The following MASP2 variants were observed in gnomAD, a reference collection of about 807,000 sequenced individuals.
MASP2 encodes the protein MBL associated serine protease 2.
Under a neutral mutation model 57.1 loss-of-function variants are expected in MASP2, and 49 were observed. That is an observed-to-expected ratio of 0.86 (90% CI 0.68 to 1.09). The LOEUF is 1.09. Among genes scored for constraint, MASP2 ranks in the 50% least tolerant of loss-of-function variants. The probability of loss-of-function intolerance (pLI) is 0.00; values close to 1 mark genes in which losing one functional copy is unlikely to be tolerated. For synonymous variants in MASP2, 379 were observed against 340.8 expected, an observed-to-expected ratio of 1.11 and a Z score of -1.24; for missense variants, 900 against 874.8, an observed-to-expected ratio of 1.03 and a Z score of -0.36.
rs1165450969 is a variant in MASP2, at chr1:11,043,189, C to A, written c.741+150G>T. The stretch of plus-strand genomic sequence containing the variant: ...TGCCTCCCACACTTGTACTCGAAGG[C>A]CCCAGCCTTGGACCTCCATAGAGCA... On this transcript the variant is annotated intron_variant, in intron 5 of 10. Transcript: ENST00000400897. 7 of 980,492 alleles carry A rather than the reference C, an allele frequency of 7.1e-6. No individual in the cohort carries two copies. The South Asian group carries it at 9.7e-5, about 14-fold the overall frequency. 60.7% of individuals were successfully genotyped at this position (980,492 alleles called of 1,614,324 possible). A position where few individuals can be genotyped will look rare whatever the true frequency, so the allele number is the denominator to read the frequency against.
chr1:11,045,416 G>C lies in MASP2; in HGVS notation c.536C>G (p.Thr179Ser), dbSNP rs1301802202. The change falls in exon 4 of 11, where the codon ACC becomes AGC. Residue 179 changes from threonine (T) to serine (S), a missense_variant. Physicochemically the swap from Thr to Ser is moderately conservative, Grantham distance 58. Transcript: ENST00000400897. ...AGYVLHRNKR[T>S]CSALCSGQVF... is the part of the protein sequence containing the mutation. ...CAGGCAGCCTCCCTCACCTGAGCAG[G>C]TGCGCTTGTTACGGTGCAGGACGTA... is the stretch of plus-strand genomic sequence containing the variant. 6.2e-7 allele frequency: 1 copy of C among 1,613,174 alleles called. No homozygotes were observed. The highest frequency in any genetic ancestry group is 2.2e-5 in the East Asian group (1 of 44,872).
chr1:11,033,668 T>G (rs1433409030), intron 8 of MASP2, among the ~76,000 whole-genome samples: 1 of 148,118 alleles, frequency 6.8e-6, no homozygotes, highest in Non-Finnish European at 1.5e-5. Context: ...AAGAAAAAAA[T>G]ATTGTCAAAG....
intron 10 of MASP2, among the ~76,000 whole-genome samples, chr1:11,028,759 G>T (rs1318553289): frequency 6.8e-6 from 1 of 147,606 alleles, no homozygotes; most frequent in Non-Finnish European, 1.5e-5. Context: ...TGTCACCCAG[G>T]TTGGAGTGCA....
At chr1:11,044,928 C>T in intron 4 of MASP2, 1 of 1,607,436 alleles carries the variant, frequency 6.2e-7, no homozygotes, top group Non-Finnish European at 8.5e-7. Context: ...CAGGCCGGAG[C>T]TCCAGGGGAG....
At chr1:11,035,694 A>G (rs1189085150) in intron 7 of MASP2, among the ~76,000 whole-genome samples, 1 of 152,086 alleles carries the variant, frequency 6.6e-6, no homozygotes, top group Non-Finnish European at 1.5e-5. Context: ...CAGAAGTTCA[A>G]GACCAGCCTG....
In MASP2 at chr1:11,030,157, G is replaced by A; in HGVS notation, c.1297+19C>T. On this transcript the variant is annotated intron_variant, in intron 10 of 10. Coordinates refer to ENST00000400897, the MANE Select transcript of MASP2 (RefSeq NM_006610.4). ...CCTTTCCATCAATTACCAGTCTCTT[G>A]TATAAATGTATCCATTACCAGGCTC... is the stretch of plus-strand genomic sequence containing the variant. 3.2e-6 allele frequency: 5 copies of A among 1,581,970 alleles called. No homozygotes were observed. Among genetic ancestry groups the A allele is most frequent in the Non-Finnish European group, 4.3e-6 (5 of 1,152,400 alleles).
rs1253649620 is a variant in MASP2 at position 11,045,208 on chromosome 1, C to A, written c.544+200G>T. 3.6e-6 allele frequency: 3 copies of A among 832,092 alleles called. No homozygotes were observed. In the East Asian group the frequency reaches 8.0e-5, roughly 22 times the overall value. The allele number at this position is 832,092 out of a possible 1,614,324, so 51.5% of individuals were successfully genotyped here. A position where few individuals can be genotyped will look rare whatever the true frequency, so the allele number is the denominator to read the frequency against. On this transcript the variant is annotated intron_variant, in intron 4 of 10. Coordinates refer to ENST00000400897, the MANE Select transcript of MASP2 (RefSeq NM_006610.4). ...GGGATGTTAGAATTAGTCTCAGTCG[C>A]TAGGGCAGGGTGGCACTGATGAGCC...
intron 10 of MASP2, chr1:11,029,632 AT>A (rs1643807007): frequency 1.0e-4 from 5 of 48,550 alleles, no homozygotes; most frequent in African/African-American, 2.4e-4. Context: ...AATTTTTAAA[AT>A]CTTTTTTTTT....
chr1:11,045,430 G>A lies in MASP2; in HGVS notation c.522C>T (p.His174=). The change falls in exon 4 of 11, where the codon CAC becomes CAT. Residue 174 remains histidine (H), a synonymous_variant. Coordinates refer to ENST00000400897, the MANE Select transcript of MASP2 (RefSeq NM_006610.4). ...YCSCRAGYVL[H]RNKRTCSALC... is the part of the protein sequence containing the mutation. ...CACCTGAGCAGGTGCGCTTGTTACG[G>A]TGCAGGACGTAGCCTGCGCGGCAGG... The A allele has an allele frequency of 6.2e-7, 1 of 1,613,284 alleles. No homozygotes were observed. The highest frequency in any genetic ancestry group is 2.2e-5 in the East Asian group (1 of 44,866).
intron 7 of MASP2, 102 bp downstream of exon 7, chr1:11,037,591 A>AATTACAGGCGTGAGCTGCCGCGCCCGG (rs1557671554): frequency 1.4e-6 from 1 of 697,666 alleles, no homozygotes; most frequent in African/African-American, 1.8e-5. Flanking sequence ...AATCATGCTG[A>AATTACAGGCGTGAGCTGCCGCGCCCGG]CACACGATTT....
rs116394067 is a variant in MASP2, at chr1:11,033,702, G to A, written c.1087+1126C>T. ...AGAACACACTTTGGAAGCCTGAGGC[G>A]GGCAGATCACTTGACGTCAGGAGTT... On this transcript the variant is annotated intron_variant, in intron 8 of 10. Coordinates refer to ENST00000400897, the MANE Select transcript of MASP2 (RefSeq NM_006610.4). Among the ~76,000 whole-genome samples the A allele has an allele frequency of 3.2e-3, 486 of 152,032 alleles. 2 individuals carry two copies. The highest frequency in any genetic ancestry group is 0.011 in the African/African-American group (472 of 41,456).
intron 3 of MASP2, 71 bp downstream of exon 3, chr1:11,046,485 T>C (rs1469310317): frequency 6.4e-7 from 1 of 1,560,224 alleles, no homozygotes; most frequent in South Asian, 1.1e-5. Context: ...CAGGGCTGCC[T>C]GGCCTAAGAC....
intron 3 of MASP2, chr1:11,046,297 G>A: frequency 1.9e-6 from 1 of 538,316 alleles, no homozygotes; most frequent in Non-Finnish European, 3.4e-6. Flanking sequence ...ACAGGCGTGA[G>A]CTGCTGCGCC....
intron 5 of MASP2, 101 bp downstream of exon 5, chr1:11,043,238 G>A (rs1321675097): frequency 5.3e-6 from 6 of 1,136,998 alleles, no homozygotes; most frequent in African/African-American, 1.5e-5. Flanking sequence ...GGGTCACCGA[G>A]GGTGACGGGA....
In MASP2 at chr1:11,042,934, G is replaced by T; in HGVS notation, c.830C>A (p.Thr277Asn). 6.2e-7 allele frequency: 1 copy of T among 1,613,980 alleles called. No homozygotes were observed. The highest frequency in any genetic ancestry group is 8.5e-7 in the Non-Finnish European group (1 of 1,179,904). ...IETKSNTVTI[T>N]FVTDESGDHT... is the part of the protein sequence containing the mutation. ...GTCTCCTGATTCATCTGTGACAAAG[G>T]TGATGGTCACCGTGTTGCTTTTTGT... The change falls in exon 6 of 11, where the codon ACC becomes AAC. Residue 277 changes from threonine (T) to asparagine (N), a missense_variant. Physicochemically the swap from Thr to Asn is moderately conservative, Grantham distance 65 (BLOSUM62 0). Coordinates refer to ENST00000400897, the MANE Select transcript of MASP2 (RefSeq NM_006610.4).
At chr1:11,044,554 G>C (rs1638564229) in intron 4 of MASP2, among the ~76,000 whole-genome samples, 2 of 152,296 alleles carry the variant, frequency 1.3e-5, no homozygotes, top group African/African-American at 4.8e-5. Context: ...GCCAGACCCT[G>C]AATGGGGGTG....
intron 7 of MASP2, 63 bp downstream of exon 7, chr1:11,037,630 T>C: frequency 2.0e-6 from 2 of 1,024,464 alleles, no homozygotes; most frequent in East Asian, 2.6e-5. Context: ...TATCTGCAGA[T>C]AGAAATATGT....
chr1:11,027,210 CCCCT>C lies in MASP2; in HGVS notation c.1732_1735del (p.Arg578ValfsTer7), dbSNP rs1643751418. ...ATACATTAGATTTCTAGCAAGAAAA[CCCCT>C]TTGGGTTAATCCCCATCCAGATGCA... is the stretch of plus-strand genomic sequence containing the variant. On this transcript the variant is annotated frameshift_variant, in exon 11 of 11. Transcript: ENST00000400897. LOFTEE classifies it low-confidence loss of function (END_TRUNC). 1 of 1,614,018 alleles carries C rather than the reference CCCCT, an allele frequency of 6.2e-7. No homozygotes were observed.
chr1:11,045,787 A>T (rs1638620611), intron 3 of MASP2: 7 of 552,370 alleles, frequency 1.3e-5, no homozygotes, highest in Middle Eastern at 4.8e-4. Flanking sequence ...GTCCGGCCCG[A>T]GGTCACCCAG....
Sources: gnomAD v4.1 joint callset for allele counts (sites outside exome capture counted in the v4.1 genomes callset) on GRCh38, gnomAD v4.1.1 for gene constraint, MANE v1.5 for transcripts, NCBI Gene and HGNC (gene_info 2026-07-23, HGNC 2026-07-21) for gene names.